The following PHEX variants were observed in gnomAD, a reference collection of about 807,000 sequenced individuals.
PHEX encodes phosphate-regulating neutral endopeptidase PHEX.
PHEX carries 16 observed loss-of-function variants against 68.0 expected under a neutral mutation model. The ratio of observed to expected loss-of-function variants is 0.24; its 90% CI spans 0.16 to 0.36. The LOEUF is 0.36. Ranked by LOEUF, PHEX falls within the 10% of genes least tolerant of loss-of-function variation. PHEX has a pLI of 1.00. For missense variants in PHEX, 480 were observed against 575.5 expected (o/e 0.83, Z 1.70); for synonymous variants, 208 against 205.1 (o/e 1.01, Z -0.12).
chrX:22,242,710 A>C (rs745388018), intron 20 of PHEX, among the ~76,000 whole-genome samples: 3 of 111,855 alleles, frequency 2.7e-5, no homozygotes, highest in Admixed American at 9.5e-5. Flanking sequence ...ACCTAGGAAT[A>C]CAACTTACAA....
chrX:22,108,088 T>G (rs1189058860), intron 9 of PHEX, among the ~76,000 whole-genome samples: 1 of 111,145 alleles, frequency 9.0e-6, no homozygotes, highest in Non-Finnish European at 1.9e-5. Flanking sequence ...CAATAAGTGC[T>G]CAGTGAGCAC....
intron 1 of PHEX, among the ~76,000 whole-genome samples, chrX:22,036,083 G>A (rs1364955297): frequency 1.3e-4 from 10 of 79,754 alleles, no homozygotes; most frequent in Non-Finnish European, 2.1e-4. Context: ...TTTTTGAGAC[G>A]GAGTCTCACT....
intron 19 of PHEX, among the ~76,000 whole-genome samples, chrX:22,227,206 A>T (rs930340223): frequency 5.3e-5 from 6 of 112,386 alleles, no homozygotes; most frequent in Non-Finnish European, 3.8e-5. Flanking sequence ...GGGCCTTGCC[A>T]TTGTGTTAGA....
intron 3 of PHEX, among the ~76,000 whole-genome samples, chrX:22,055,418 T>A (rs983671074): frequency 9.0e-6 from 1 of 110,622 alleles, no homozygotes; most frequent in Non-Finnish European, 1.9e-5. Flanking sequence ...TAGAAATTTT[T>A]TTTTCTGAAG....
In PHEX at chrX:22,249,455, A is replaced by AAAAAATATATATATATAT; in HGVS notation, c.*1503_*1504insAAAATATATATATATATA. On this transcript the variant is annotated 3_prime_UTR_variant, in exon 22 of 22. Transcript: ENST00000379374. ...TTGTGATTCTTTTAAAAAAAAAAAA[A>AAAAAATATATATATATAT]ATATATATATATATATATATATATA... 3.0e-4 allele frequency: 12 copies of AAAAAATATATATATATAT among 39,744 alleles called. No homozygotes were observed. The highest frequency in any genetic ancestry group is 4.9e-4 in the Non-Finnish European group (12 of 24,459). 3.3% of individuals were successfully genotyped at this position (39,744 alleles called of 1,213,427 possible).
chrX:22,087,469 C>CT (rs970454083), intron 5 of PHEX, among the ~76,000 whole-genome samples: 40 of 111,397 alleles, frequency 3.6e-4, no homozygotes, highest in Non-Finnish European at 6.6e-4. Flanking sequence ...TTGAAAGTGC[C>CT]TTTTTTCCCC....
chrX:22,132,496 C>T (rs999861528), intron 11 of PHEX, among the ~76,000 whole-genome samples: 3 of 111,493 alleles, frequency 2.7e-5, no homozygotes, highest in Non-Finnish European at 3.8e-5. Flanking sequence ...ATAGAAGAGC[C>T]GAACATTTAG....
intron 15 of PHEX, among the ~76,000 whole-genome samples, chrX:22,209,580 C>T (rs963902743): frequency 5.5e-5 from 6 of 110,042 alleles, no homozygotes; most frequent in Non-Finnish European, 1.1e-4. Flanking sequence ...CCTACACTCC[C>T]ATCAACATGC....
intron 4 of PHEX, among the ~76,000 whole-genome samples, 163 bp downstream of exon 4, chrX:22,076,637 C>T (rs1348946347): frequency 2.7e-5 from 3 of 112,319 alleles, no homozygotes; most frequent in African/African-American, 9.7e-5. Context: ...TTTGACTAGT[C>T]CCATCTTAGT....
intron 3 of PHEX, among the ~76,000 whole-genome samples, chrX:22,051,565 T>C (rs1381991844): frequency 8.9e-6 from 1 of 111,907 alleles, no homozygotes; most frequent in Non-Finnish European, 1.9e-5. Context: ...AAAATATCTA[T>C]TAGATTTAAA....
At chrX:22,113,500 G>A (rs1344290913) in intron 10 of PHEX, among the ~76,000 whole-genome samples, 1 of 111,929 alleles carries the variant, frequency 8.9e-6, no homozygotes, top group Non-Finnish European at 1.9e-5. Context: ...CTCTGACCCA[G>A]GTCCTGCTTG....
intron 20 of PHEX, among the ~76,000 whole-genome samples, chrX:22,242,083 C>G (rs962862269): frequency 2.7e-5 from 3 of 111,801 alleles, no homozygotes; most frequent in Admixed American, 9.5e-5. Flanking sequence ...TCCACCACAA[C>G]CAAGTTGGCT....
At chrX:22,143,718 TC>T (rs1200427883) in intron 12 of PHEX, among the ~76,000 whole-genome samples, 1 of 112,535 alleles carries the variant, frequency 8.9e-6, no homozygotes, top group East Asian at 2.8e-4. Context: ...TCGAGACTCA[TC>T]CACTTTGTAG....
At chrX:22,241,831 C>T (rs1322395334) in intron 20 of PHEX, among the ~76,000 whole-genome samples, 1 of 111,844 alleles carries the variant, frequency 8.9e-6, no homozygotes, top group East Asian at 2.8e-4. Flanking sequence ...GGTTCACAGC[C>T]GAATTCGACC....
chrX:22,155,293 G>A (rs1251929785), intron 12 of PHEX, among the ~76,000 whole-genome samples: 1 of 112,522 alleles, frequency 8.9e-6, no homozygotes, highest in Non-Finnish European at 1.9e-5. Flanking sequence ...TACTTCACAA[G>A]GTTTTTAGGT....
intron 9 of PHEX, among the ~76,000 whole-genome samples, chrX:22,109,069 G>C (rs755454559): frequency 6.7e-4 from 75 of 111,739 alleles, no homozygotes; most frequent in African/African-American, 2.4e-3. Flanking sequence ...CAGGAAACAG[G>C]AATTGAAATG....
chrX:22,096,944 CTT>C lies in PHEX; in HGVS notation c.850-8_850-7del. ...ACTTGAAAAAAAATAACAAAAATCTCTTTTCAACAGATAATGATTCCACATGA... is the reference window on the plus strand; with the variant it reads ...ACTTGAAAAAAAATAACAAAAATCTCTTCAACAGATAATGATTCCACATGA... On this transcript the variant is annotated splice_polypyrimidine_tract_variant and intron_variant, in intron 7 of 21. Transcript: ENST00000379374. 1 of 1,175,337 alleles carries C rather than the reference CTT, an allele frequency of 8.5e-7. No homozygotes were observed. The highest frequency in any genetic ancestry group is 1.2e-6 in the Non-Finnish European group (1 of 862,519).
chrX:22,146,523 A>C (rs1278092621), intron 12 of PHEX, among the ~76,000 whole-genome samples: 1 of 112,233 alleles, frequency 8.9e-6, no homozygotes, highest in Admixed American at 9.5e-5. Flanking sequence ...GTGGGACTAT[A>C]TTAAAAGATG....
intron 17 of PHEX, among the ~76,000 whole-genome samples, chrX:22,221,144 G>C (rs1428527716): frequency 9.0e-6 from 1 of 111,714 alleles, no homozygotes; most frequent in African/African-American, 3.3e-5. Context: ...GGAGGAAACA[G>C]GTTCCTATAG....
Sources: allele counts gnomAD v4.1 joint callset (sites outside exome capture counted in the v4.1 genomes callset), GRCh38; gene constraint gnomAD v4.1.1; transcripts MANE v1.5; gene names NCBI Gene and HGNC (gene_info 2026-07-23, HGNC 2026-07-21).